The following THBS4 variants were observed in gnomAD, a reference collection of about 807,000 sequenced individuals.
THBS4 encodes the protein thrombospondin 4, also known as thrombospondin-4.
Under a neutral mutation model 115.7 loss-of-function variants are expected in THBS4, and 90 were observed. The ratio of observed to expected loss-of-function variants is 0.78; its 90% confidence interval spans 0.66 to 0.93. THBS4 has a LOEUF of 0.93. THBS4 is among the 40% of genes least tolerant of loss of function. The pLI is 0.00. For missense variants in THBS4, 1,087 were observed against 1,232.7 expected (o/e 0.88, Z 1.77); for synonymous variants, 460 against 479.3 (o/e 0.96, Z 0.53).
chr5:80,008,029 A>C (rs1229113024), intron 2 of THBS4, among the ~76,000 whole-genome samples: 4 of 152,210 alleles, frequency 2.6e-5, no homozygotes, highest in Admixed American at 2.0e-4. Context: ...GACAACTTCT[A>C]GCACAGCATA....
At chr5:80,014,144 A>T (rs1394949827) in intron 2 of THBS4, among the ~76,000 whole-genome samples, 2 of 149,628 alleles carry the variant, frequency 1.3e-5, no homozygotes, top group African/African-American at 4.8e-5. Flanking sequence ...TGTTGTCTTG[A>T]TACCACCACC....
chr5:80,070,598 A>C (rs1193568952), intron 11 of THBS4, 45 bp from the exon 12 acceptor site: 2 of 1,575,194 alleles, frequency 1.3e-6, no homozygotes, highest in Non-Finnish European at 1.7e-6. Flanking sequence ...TTACTGGCTT[A>C]ACACAAATGT....
At chr5:80,058,609 A>C in intron 4 of THBS4, 99 bp from the exon 5 acceptor site, 1 of 1,067,716 alleles carries the variant, frequency 9.4e-7, no homozygotes, top group Non-Finnish European at 1.4e-6. Flanking sequence ...TTTTTGAATC[A>C]TCTTGTCAGG....
chr5:80,049,846 A>G (rs60093544), intron 2 of THBS4, among the ~76,000 whole-genome samples: 3,277 of 152,284 alleles, frequency 0.022, 114 homozygotes, highest in African/African-American at 0.074. Context: ...AACGATCAGA[A>G]CAGTCCTATA....
At chr5:80,007,462 G>A (rs1832041148) in intron 2 of THBS4, among the ~76,000 whole-genome samples, 1 of 152,136 alleles carries the variant, frequency 6.6e-6, no homozygotes, top group Admixed American at 6.5e-5. Context: ...CCTGGAATTC[G>A]TCTGCCCCAT....
chr5:80,083,195 T>TAACTTCAA lies in THBS4; in HGVS notation c.*55_*62dup. 1 of 1,482,764 alleles carries TAACTTCAA rather than the reference T, an allele frequency of 6.7e-7. No homozygotes were observed. The highest frequency in any genetic ancestry group is 9.4e-7 in the Non-Finnish European group (1 of 1,061,244). The allele number at this position is 1,482,764 out of a possible 1,614,324, so 91.9% of individuals were successfully genotyped here. ...CGGAACACTAAAACCATATATATTT[T>TAACTTCAA]AACTTCAATTTTCTTTAGCTTTTAC... On this transcript the variant is annotated 3_prime_UTR_variant, in exon 22 of 22. Transcript: ENST00000350881.
intron 19 of THBS4, 81 bp downstream of exon 19, chr5:80,079,339 T>C: frequency 7.0e-7 from 1 of 1,430,916 alleles, no homozygotes; most frequent in Non-Finnish European, 9.3e-7. Context: ...TCCCATGTGG[T>C]ACTTAGTTAA....
chr5:80,020,377 G>A lies in THBS4; in HGVS notation n.178-19700G>A, dbSNP rs144322112. Among the ~76,000 whole-genome samples the A allele has an allele frequency of 7.9e-4, 120 of 152,310 alleles. 1 individual carries two copies. Among genetic ancestry groups the A allele is most frequent in the African/African-American group, 2.8e-3 (116 of 41,564 alleles). ...TAATCCCAACTACTCGGGAGGCTGA[G>A]GCAGGAGAATGGCATGAACCCGGGA... On this transcript the variant is annotated intron_variant and non_coding_transcript_variant, in intron 2 of 3. Transcript: ENST00000510218.
chr5:80,036,355 A>G (rs1180203317), intron 1 of THBS4, among the ~76,000 whole-genome samples: 1 of 152,166 alleles, frequency 6.6e-6, no homozygotes, highest in Non-Finnish European at 1.5e-5. Context: ...AGATGGAAAC[A>G]GTAGACACTG....
Position 80,042,658 on chromosome 5 carries a change from A to C in THBS4, c.292+2378A>C, listed in dbSNP as rs1285938866. Among the ~76,000 whole-genome samples the C allele has an allele frequency of 6.6e-5, 10 of 152,326 alleles. No individual in the cohort carries two copies. In the East Asian group the frequency reaches 1.9e-3, roughly 29 times the overall value. ...AGTATGTTTCCTCTGAAGAATCACC[A>C]GTAATATGAGTCAGCTGTAAATACC... On this transcript the variant is annotated intron_variant, in intron 2 of 21. Coordinates refer to ENST00000350881, the MANE Select transcript of THBS4 (RefSeq NM_003248.6).
At chr5:80,062,689 C>A (rs1833678767) in intron 8 of THBS4, among the ~76,000 whole-genome samples, 1 of 152,158 alleles carries the variant, frequency 6.6e-6, no homozygotes, top group East Asian at 1.9e-4. Context: ...CCCCCCTCCC[C>A]CTACCCCATG....
intron 7 of THBS4, among the ~76,000 whole-genome samples, chr5:80,060,182 A>G (rs1228562556): frequency 6.6e-6 from 1 of 152,146 alleles, no homozygotes; most frequent in African/African-American, 2.4e-5. Flanking sequence ...TGACATTTGC[A>G]TTGGTTATTT....
chr5:80,082,691 G>A, intron 21 of THBS4, 146 bp downstream of exon 21: 1 of 996,816 alleles, frequency 1.0e-6, no homozygotes, highest in African/African-American at 1.6e-5. Flanking sequence ...TGTACCAGAA[G>A]TAAAAAGCAG....
chr5:80,032,198 TATA>T (rs1214525430), upstream of THBS4, among the ~76,000 whole-genome samples: 1 of 152,234 alleles, frequency 6.6e-6, no homozygotes, highest in Non-Finnish European at 1.5e-5. Flanking sequence ...TTAATTTTAT[TATA>T]ATCAAATTTA....
intron 2 of THBS4, among the ~76,000 whole-genome samples, chr5:80,021,600 A>C (rs1321457773): frequency 6.6e-6 from 1 of 152,022 alleles, no homozygotes; most frequent in Non-Finnish European, 1.5e-5. Flanking sequence ...TCAAACTCCC[A>C]GACTCAAGGG....
At chr5:80,021,285 TGAAGAAGCA>T (rs2151158501) in intron 2 of THBS4, among the ~76,000 whole-genome samples, 1 of 152,208 alleles carries the variant, frequency 6.6e-6, no homozygotes, top group South Asian at 2.1e-4. Context: ...GTGCATCAAA[TGAAGAAGCA>T]GACTTGAGAA....
chr5:79,997,833 A>G (rs1381488825), intron 1 of THBS4, among the ~76,000 whole-genome samples: 2 of 152,256 alleles, frequency 1.3e-5, no homozygotes, highest in South Asian at 2.1e-4. Flanking sequence ...CTAGAAGTCA[A>G]TAACAGAAAG....
intron 2 of THBS4, among the ~76,000 whole-genome samples, chr5:80,003,884 T>A (rs1561290200): frequency 6.6e-6 from 1 of 152,192 alleles, no homozygotes; most frequent in Non-Finnish European, 1.5e-5. Context: ...TCTTCATGTA[T>A]CCCGGGTTTT....
rs1278405371 is a variant in THBS4 at position 80,082,503 on chromosome 5, C to G, written c.2782C>G (p.Gln928Glu). ...GGRLGVFCFS[Q>E]ENIIWSNLKY... is the part of the protein sequence containing the mutation. Reference sequence around the variant, plus strand: ...CCGACTTGGCGTTTTCTGCTTCTCTCAAGAAAACATCATCTGGTCCAACCT... The same window carrying G: ...CCGACTTGGCGTTTTCTGCTTCTCTGAAGAAAACATCATCTGGTCCAACCT... The change falls in exon 21 of 22, where the codon CAA becomes GAA. Residue 928 changes from glutamine to glutamate, a missense_variant. Physicochemically the swap from Gln to Glu is conservative, Grantham distance 29 (BLOSUM62 2). This residue lies in a region of THBS4 where 103 missense variants were observed against 108.2 expected (regional missense o/e 0.95). Transcript: ENST00000350881. The G allele has an allele frequency of 3.1e-6, 5 of 1,614,086 alleles. No individual in the cohort carries two copies. The highest frequency in any genetic ancestry group is 3.4e-6 in the Non-Finnish European group (4 of 1,180,046).
Sources: gnomAD v4.1 joint callset for allele counts (sites outside exome capture counted in the v4.1 genomes callset) on GRCh38, gnomAD v4.1.1 for gene constraint, gnomAD v4.1.1 regional missense constraint, MANE v1.5 for transcripts, NCBI Gene and HGNC (gene_info 2026-07-23, HGNC 2026-07-21) for gene names.